The following RYR2 variants were observed in gnomAD, a reference collection of about 807,000 sequenced individuals.
The protein encoded by RYR2 is cardiac muscle ryanodine receptor-calcium release channel.
Under a neutral mutation model 601.1 loss-of-function variants are expected in RYR2, and 227 were observed. The observed-to-expected ratio is 0.38, with a 90% confidence interval of 0.34 to 0.42. The LOEUF is 0.42. Ranked by LOEUF, RYR2 falls within the 10% of genes least tolerant of loss-of-function variation. RYR2 has a pLI of 1.00. For missense variants in RYR2, 4,646 were observed against 6,156.5 expected, an observed-to-expected ratio of 0.75 and a Z score of 8.21; for synonymous variants, 2,223 against 2,175.1, an observed-to-expected ratio of 1.02 and a Z score of -0.61.
chr1:237,601,845 A>G (rs1676536854), intron 34 of RYR2, among the ~76,000 whole-genome samples, 180 bp from the exon 35 acceptor site: 1 of 152,156 alleles, frequency 6.6e-6, no homozygotes, highest in South Asian at 2.1e-4. Flanking sequence ...TATGTTCCCC[A>G]AGCAGTGTTC....
chr1:237,246,843 G>A lies in RYR2; in HGVS notation c.49-23654G>A, dbSNP rs184016432. On this transcript the variant is annotated intron_variant, in intron 1 of 104. Coordinates refer to ENST00000366574, the MANE Select transcript of RYR2 (RefSeq NM_001035.3). ...CTGATGATTTATTTTTGGATGATTT[G>A]ATTCCATCTATAGGATTACATGACT... Among the ~76,000 whole-genome samples, 387 of 152,142 alleles carry A rather than the reference G, an allele frequency of 2.5e-3. 1 individual carries two copies. Among genetic ancestry groups the A allele is most frequent in the Middle Eastern group, 6.8e-3 (2 of 294 alleles).
chr1:237,819,457 A>G lies in RYR2; in HGVS notation c.14590+265A>G, dbSNP rs987050022. On this transcript the variant is annotated intron_variant, in intron 101 of 104. Transcript: ENST00000366574. The surrounding 1 kb of genome is among the most constrained non-coding windows in gnomAD (Gnocchi z 4.0). ...AGGCACTTTCCTTGGTTTGATTCTC[A>G]CCTCTGGGTTTCAGACTCATGAACC... Among the ~76,000 whole-genome samples the G allele has an allele frequency of 3.3e-5, 5 of 152,102 alleles. No homozygotes were observed. The highest frequency in any genetic ancestry group is 2.6e-4 in the Admixed American group (4 of 15,266).
rs369129254 is a variant in RYR2 at position 237,181,510 on chromosome 1, G to A, written c.49-88987G>A. ...TCACTCAAGAGACAGACCAGCAGAT[G>A]TAGAAACTGCTAGGGTGTGTCAGAT... On this transcript the variant is annotated intron_variant, in intron 1 of 104. Transcript: ENST00000366574. Among the ~76,000 whole-genome samples, 23 of 152,322 alleles carry A rather than the reference G, an allele frequency of 1.5e-4. No individual in the cohort carries two copies. The South Asian group carries it at 4.3e-3, about 29-fold the overall frequency.
chr1:237,330,507 C>A (rs1179660695), intron 2 of RYR2, among the ~76,000 whole-genome samples: 1 of 152,214 alleles, frequency 6.6e-6, no homozygotes, highest in Non-Finnish European at 1.5e-5. Context: ...CCAGCCTCAG[C>A]CTCCTGAGTA....
chr1:237,545,996 ATATC>A (rs1038310103), intron 25 of RYR2, among the ~76,000 whole-genome samples: 2 of 150,722 alleles, frequency 1.3e-5, no homozygotes, highest in Non-Finnish European at 3.0e-5. Context: ...AAATATATCT[ATATC>A]TATATATTCT....
At position 237,500,790 on chromosome 1, in the gene RYR2, G is replaced by A. The variant is rs753045000; in HGVS notation, c.2283G>A (p.Leu761=). 1 of 1,614,024 alleles carries A rather than the reference G, an allele frequency of 6.2e-7. No homozygotes were observed. Among genetic ancestry groups the A allele is most frequent in the Non-Finnish European group, 8.5e-7 (1 of 1,179,898 alleles). The change falls in exon 21 of 105, where the codon CTG becomes CTA. Residue 761 remains leucine, a synonymous_variant. Transcript: ENST00000366574. ...ATGTCATCAGTTGCTGTTTAGATCT[G>A]AGTGCCCCAAGCATCTCGTTCCGAA... ...TDDVISCCLD[L]SAPSISFRIN...
At chr1:237,546,854 G>A (rs185378064) in intron 25 of RYR2, among the ~76,000 whole-genome samples, 2 of 151,504 alleles carry the variant, frequency 1.3e-5, no homozygotes, top group East Asian at 3.9e-4. Flanking sequence ...TAGGTGCTGG[G>A]GGGTCACTGT....
intron 23 of RYR2, among the ~76,000 whole-genome samples, chr1:237,509,799 C>T (rs577489214): frequency 6.6e-6 from 1 of 152,214 alleles, no homozygotes; most frequent in South Asian, 2.1e-4. Flanking sequence ...AATATTTGAT[C>T]CAAGACTGAG....
At chr1:237,181,538 G>C (rs1198093172) in intron 1 of RYR2, among the ~76,000 whole-genome samples, 1 of 152,188 alleles carries the variant, frequency 6.6e-6, no homozygotes, top group Non-Finnish European at 1.5e-5. Context: ...TGTCAGATGA[G>C]AGATGTTTTT....
At chr1:237,637,090 C>T (rs1196775711) in intron 44 of RYR2, among the ~76,000 whole-genome samples, 3 of 152,142 alleles carry the variant, frequency 2.0e-5, no homozygotes, top group Admixed American at 6.5e-5. Context: ...CCATGTTCTG[C>T]GTCTTGATTA....
chr1:237,348,966 G>A (rs1351217981), intron 3 of RYR2, among the ~76,000 whole-genome samples: 4 of 152,088 alleles, frequency 2.6e-5, no homozygotes, highest in Admixed American at 2.6e-4. Context: ...TATCCAGACT[G>A]GCCTATGTGG....
At chr1:237,456,127 A>C (rs1282825271) in intron 15 of RYR2, among the ~76,000 whole-genome samples, 1 of 152,150 alleles carries the variant, frequency 6.6e-6, no homozygotes, top group Non-Finnish European at 1.5e-5. Flanking sequence ...CAATAATAAT[A>C]AAAATAAAGC....
rs964220784 is a variant in RYR2, at chr1:237,116,613, C to T, written c.48+74044C>T. Among the ~76,000 whole-genome samples the T allele has an allele frequency of 8.5e-5, 13 of 152,084 alleles. 1 individual carries two copies. In the South Asian group the frequency reaches 1.9e-3, roughly 22 times the overall value. On this transcript the variant is annotated intron_variant, in intron 1 of 104. Transcript: ENST00000366574. Reference sequence around the variant, plus strand: ...ATTTATTTATTATGAGAAATGGGCTCACATGATTATGGAGGATCTGCCATC... The same window carrying T: ...ATTTATTTATTATGAGAAATGGGCTTACATGATTATGGAGGATCTGCCATC...
chr1:237,474,873 T>C (rs1661230111), intron 17 of RYR2, among the ~76,000 whole-genome samples: 1 of 152,164 alleles, frequency 6.6e-6, no homozygotes, highest in African/African-American at 2.4e-5. Context: ...TCATGTGCTG[T>C]TGACTGTCTG....
At chr1:237,400,037 T>TACGC (rs147455416) in intron 10 of RYR2, among the ~76,000 whole-genome samples, 1 of 149,142 alleles carries the variant, frequency 6.7e-6, no homozygotes, top group Non-Finnish European at 1.5e-5. Flanking sequence ...GTTTAGAACT[T>TACGC]ACACACACAC....
At chr1:237,069,981 G>C (rs563666579) in intron 1 of RYR2, among the ~76,000 whole-genome samples, 1 of 150,176 alleles carries the variant, frequency 6.7e-6, no homozygotes, top group African/African-American at 2.4e-5. Context: ...TTATAAACTG[G>C]TCCAGTTAAG....
intron 1 of RYR2, among the ~76,000 whole-genome samples, chr1:237,148,938 A>T (rs1479875820): frequency 6.6e-6 from 1 of 151,910 alleles, no homozygotes; most frequent in Non-Finnish European, 1.5e-5. Context: ...CCAGCCCCCT[A>T]CCCCAAATTT....
Position 237,667,803 on chromosome 1 carries a change from C to A in RYR2, c.8515-80C>A, listed in dbSNP as rs477245. The A allele has an allele frequency of 0.99, 1,011,418 of 1,021,596 alleles. 501,267 individuals carry two copies. Among genetic ancestry groups the A allele is most frequent in the East Asian group, 1 (36,896 of 36,896 alleles). The allele number at this position is 1,021,596 out of a possible 1,614,324, so 63.3% of individuals were successfully genotyped here. Reference sequence around the variant, plus strand: ...TAATACTGTATGAGTTATTCCTTTACGGTATCTAATATTATATATTAGAAA... The same window carrying A: ...TAATACTGTATGAGTTATTCCTTTAAGGTATCTAATATTATATATTAGAAA... On this transcript the variant is annotated intron_variant, in intron 57 of 104. Coordinates refer to ENST00000366574, the MANE Select transcript of RYR2 (RefSeq NM_001035.3).
intron 1 of RYR2, among the ~76,000 whole-genome samples, chr1:237,126,550 C>T (rs1671450158): frequency 6.6e-6 from 1 of 152,154 alleles, no homozygotes; most frequent in South Asian, 2.1e-4. Flanking sequence ...GAGGCTCCTT[C>T]TCCATAATCC....
Sources: allele counts gnomAD v4.1 joint callset (sites outside exome capture counted in the v4.1 genomes callset), GRCh38; gene constraint gnomAD v4.1.1; non-coding constraint Gnocchi (gnomAD v3.1); transcripts MANE v1.5; gene names NCBI Gene and HGNC (gene_info 2026-07-23, HGNC 2026-07-21).